Variants in DCHS2 observed in about 807,000 individuals in gnomAD.
DCHS2 encodes the protein dachsous cadherin-related 2.
A neutral mutation model predicts 182.4 loss-of-function variants in DCHS2; 142 were observed. That is an observed-to-expected ratio of 0.78 (90% CI 0.68 to 0.89). The LOEUF (loss-of-function observed/expected upper bound fraction) is 0.89. Ranked by LOEUF, DCHS2 falls within the 40% of genes least tolerant of loss-of-function variation. The pLI is 0.00. For synonymous variants in DCHS2, 1,740 were observed against 1,663.3 expected (o/e 1.05, Z -1.12); for missense variants, 4,319 against 4,198.6 (o/e 1.03, Z -0.79).
intron 1 of DCHS2, among the ~76,000 whole-genome samples, chr4:154,405,579 A>T (rs56155318): frequency 0.038 from 5,758 of 152,054 alleles, 122 homozygotes; most frequent in Non-Finnish European, 0.05. Context: ...ATATTTTTTA[A>T]ATCTTTTTTC....
chr4:154,385,201 G>T (rs1028646333), intron 1 of DCHS2, among the ~76,000 whole-genome samples: 1 of 150,314 alleles, frequency 6.7e-6, no homozygotes, highest in African/African-American at 2.4e-5. Flanking sequence ...GCAATAGTTT[G>T]CTGAGAATGA....
At chr4:154,252,371 ATAAT>A (rs2111143253) in intron 16 of DCHS2, among the ~76,000 whole-genome samples, 1 of 152,280 alleles carries the variant, frequency 6.6e-6, no homozygotes, top group South Asian at 2.1e-4. Context: ...TTTTAAACGT[ATAAT>A]TAAATTTTTG....
intron 1 of DCHS2, among the ~76,000 whole-genome samples, chr4:154,470,938 G>C (rs546172809): frequency 6.6e-6 from 1 of 152,300 alleles, no homozygotes; most frequent in South Asian, 2.1e-4. Flanking sequence ...TGGATATCAA[G>C]AGAAGGAACC....
chr4:154,301,895 T>C (rs1450562794), intron 12 of DCHS2, among the ~76,000 whole-genome samples: 1 of 152,216 alleles, frequency 6.6e-6, no homozygotes, highest in East Asian at 1.9e-4. Context: ...CAGAGATGCA[T>C]TTACAACACA....
In DCHS2 at chr4:154,491,092, G is replaced by C. The variant is rs1283688889; in HGVS notation, c.264C>G (p.Ala88=). 3 of 1,551,334 alleles carry C rather than the reference G, an allele frequency of 1.9e-6. No homozygotes were observed. Among genetic ancestry groups the C allele is most frequent in the Non-Finnish European group, 2.6e-6 (3 of 1,146,952 alleles). Residue 88 remains alanine, a synonymous_variant, in exon 1 of 20, where the codon GCC becomes GCG. Coordinates refer to ENST00000357232, the MANE Select transcript of DCHS2 (RefSeq NM_001358235.2). ...CCTGCTGCTGCGCGGCCGGCAGCCC[G>C]GCGCGGATGTCACCTACCAGCGTGT... ...PPDTLVGDIR[A]GLPAAQQQEG...
At chr4:154,277,059 T>C (rs1733882788) in intron 13 of DCHS2, among the ~76,000 whole-genome samples, 1 of 152,254 alleles carries the variant, frequency 6.6e-6, no homozygotes, top group Admixed American at 6.5e-5. Flanking sequence ...AAGCAGTCAC[T>C]GTGTTTTCTT....
At chr4:154,359,870 T>C (rs1353823128) in intron 3 of DCHS2, among the ~76,000 whole-genome samples, 1 of 152,092 alleles carries the variant, frequency 6.6e-6, no homozygotes, top group African/African-American at 2.4e-5. Flanking sequence ...ACAGATAATT[T>C]GGTGTTTAGG....
chr4:154,400,835 T>C (rs866899987), intron 1 of DCHS2, among the ~76,000 whole-genome samples: 1 of 152,182 alleles, frequency 6.6e-6, no homozygotes, highest in African/African-American at 2.4e-5. Context: ...ACCTACTCCA[T>C]GCTCCCAACT....
At chr4:154,316,035 AG>A in intron 9 of DCHS2, 48 bp from the exon 10 acceptor site, 1 of 1,605,018 alleles carries the variant, frequency 6.2e-7, no homozygotes, top group Non-Finnish European at 8.5e-7. Flanking sequence ...TATTCTTTAG[AG>A]AAGTCATGCT....
intron 2 of DCHS2, among the ~76,000 whole-genome samples, chr4:154,371,733 A>C (rs542504188): frequency 6.6e-6 from 1 of 152,294 alleles, no homozygotes; most frequent in South Asian, 2.1e-4. Context: ...GGAGCAAGAC[A>C]TCTTAAGTGG....
At chr4:154,305,031 T>C in intron 11 of DCHS2, 66 bp downstream of exon 11, 3 of 1,510,190 alleles carry the variant, frequency 2.0e-6, no homozygotes, top group Non-Finnish European at 1.8e-6. Context: ...ATTTCACCAC[T>C]TAACAGGTTT....
rs150236098 is a variant in DCHS2 at position 154,421,926 on chromosome 4, G to A, written c.2053-44482C>T. 9.8e-3 allele frequency among the ~76,000 whole-genome samples: 1,488 copies of A among 152,202 alleles called. 26 individuals carry two copies. Among genetic ancestry groups the A allele is most frequent in the Middle Eastern group, 0.034 (10 of 294 alleles). The stretch of plus-strand genomic sequence containing the variant: ...TTGAAGTAATTATTGCTAAAATCAC[G>A]AATAGCCAAAGTTGCTACATCCAAT... On this transcript the variant is annotated intron_variant, in intron 1 of 19. Transcript: ENST00000357232.
intron 3 of DCHS2, among the ~76,000 whole-genome samples, chr4:154,346,732 G>A (rs1341771103): frequency 1.3e-5 from 2 of 151,804 alleles, no homozygotes; most frequent in African/African-American, 4.9e-5. Context: ...ACTATCTTAT[G>A]TTCAAAAACT....
Position 154,489,347 on chromosome 4 carries a change from G to A in DCHS2, c.2009C>T (p.Ala670Val). 1 of 1,545,744 alleles carries A rather than the reference G, an allele frequency of 6.5e-7. No homozygotes were observed. The highest frequency in any genetic ancestry group is 2.5e-5 in the East Asian group (1 of 40,734). ...EPIFWRQVYN[A>V]TIAEHAPVGH... ...AACCGGGGCATGCTCTGCAATGGTG[G>A]CATTGTACACCTGCCTCCAGAAGAT... Residue 670 changes from alanine to valine, a missense_variant, in exon 1 of 20, where the codon GCC becomes GTC. Transcript: ENST00000357232.
chr4:154,448,221 T>C (rs1051437057), intron 1 of DCHS2, among the ~76,000 whole-genome samples: 1 of 152,170 alleles, frequency 6.6e-6, no homozygotes, highest in African/African-American at 2.4e-5. Context: ...CTATGACATG[T>C]GGGCGCTCCT....
At chr4:154,356,512 C>T (rs74968757) in intron 3 of DCHS2, among the ~76,000 whole-genome samples, 3,362 of 152,288 alleles carry the variant, frequency 0.022, 61 homozygotes, top group Non-Finnish European at 0.033. Context: ...TCACCACTCA[C>T]TGTCTCACCC....
intron 3 of DCHS2, among the ~76,000 whole-genome samples, chr4:154,365,060 G>T (rs1447974912): frequency 2.0e-5 from 3 of 152,042 alleles, no homozygotes; most frequent in Non-Finnish European, 4.4e-5. Flanking sequence ...ACAAGCTAAT[G>T]AATAGAAAAT....
At chr4:154,456,088 T>TA (rs796282166) in intron 1 of DCHS2, among the ~76,000 whole-genome samples, 4,803 of 145,184 alleles carry the variant, frequency 0.033, 261 homozygotes, top group African/African-American at 0.11. Context: ...AGACTCCATT[T>TA]AAAAAAAAAA....
intron 3 of DCHS2, among the ~76,000 whole-genome samples, chr4:154,359,425 A>G (rs1429200774): frequency 6.6e-6 from 1 of 152,038 alleles, no homozygotes; most frequent in Non-Finnish European, 1.5e-5. Context: ...CAAGGTAGCA[A>G]TTCATAATTA....
Sources: gnomAD v4.1 joint callset for allele counts (sites outside exome capture counted in the v4.1 genomes callset) on GRCh38, gnomAD v4.1.1 for gene constraint, MANE v1.5 for transcripts, NCBI Gene and HGNC (gene_info 2026-07-23, HGNC 2026-07-21) for gene names.